Variants in GOLM2 observed in about 807,000 individuals in gnomAD.
GOLM2 encodes the protein golgi membrane protein 2.
Under a neutral mutation model 55.9 loss-of-function variants are expected in GOLM2, and 26 were observed. The ratio of observed to expected loss-of-function variants is 0.47; its 90% CI spans 0.34 to 0.65. GOLM2 has a LOEUF of 0.65. GOLM2 is among the 30% of genes least tolerant of loss of function. The pLI is 0.01. For missense variants in GOLM2, 486 were observed against 531.8 expected, an observed-to-expected ratio of 0.91 and a Z score of 0.85; for synonymous variants, 165 against 194.6, an observed-to-expected ratio of 0.85 and a Z score of 1.27.
intron 1 of GOLM2, among the ~76,000 whole-genome samples, chr15:44,313,364 A>G (rs2078887143): frequency 6.6e-6 from 1 of 152,162 alleles, no homozygotes; most frequent in African/African-American, 2.4e-5. Flanking sequence ...ACTCCTGATA[A>G]TCTCAGCATC....
At chr15:44,393,885 G>C (rs2141205632) in intron 8 of GOLM2, among the ~76,000 whole-genome samples, 1 of 152,144 alleles carries the variant, frequency 6.6e-6, no homozygotes, top group African/African-American at 2.4e-5. Flanking sequence ...TAGAGATGAG[G>C]TTTCACTATG....
Position 44,414,306 on chromosome 15 carries a change from C to G in GOLM2, c.*900C>G, listed in dbSNP as rs2079659123. ...CTACTCCTTTTATTTTACATGAGTG[C>G]TGATGTGTTTTGGCAGATGAGCTTT... On this transcript the variant is annotated 3_prime_UTR_variant, in exon 10 of 10. Coordinates refer to ENST00000299957, the MANE Select transcript of GOLM2 (RefSeq NM_138423.4). 6.6e-6 allele frequency: 1 copy of G among 152,192 alleles called. No individual in the cohort carries two copies. The highest frequency in any genetic ancestry group is 1.5e-5 in the Non-Finnish European group (1 of 68,050). The allele number at this position is 152,192 out of a possible 1,614,324, so 9.4% of individuals were successfully genotyped here.
Position 44,310,489 on chromosome 15 carries a change from TACACACACACACCC to T in GOLM2, c.328-12463_328-12450del, listed in dbSNP as rs1246212093. Among the ~76,000 whole-genome samples, 76 of 131,988 alleles carry T rather than the reference TACACACACACACCC, an allele frequency of 5.8e-4. No homozygotes were observed. The South Asian group carries it at 0.011, about 19-fold the overall frequency. The allele number at this position is 131,988 out of a possible 152,430, so 86.6% of individuals were successfully genotyped here. ...ATATATGTATATATATATATATATATACACACACACACCCACACACACACACACACACACACATA... is the reference window on the plus strand; with the variant it reads ...ATATATGTATATATATATATATATATACACACACACACACACACACACATA... On this transcript the variant is annotated intron_variant, in intron 1 of 9. Coordinates refer to ENST00000299957, the MANE Select transcript of GOLM2 (RefSeq NM_138423.4).
At chr15:44,316,157 A>G (rs1484846531) in intron 1 of GOLM2, among the ~76,000 whole-genome samples, 1 of 152,238 alleles carries the variant, frequency 6.6e-6, no homozygotes, top group African/African-American at 2.4e-5. Flanking sequence ...AAGAACTCCA[A>G]TTAATTTCTC....
At chr15:44,354,479 T>C (rs927406749) in intron 6 of GOLM2, among the ~76,000 whole-genome samples, 3 of 151,446 alleles carry the variant, frequency 2.0e-5, no homozygotes, top group Non-Finnish European at 4.4e-5. Flanking sequence ...ATAAATAAAA[T>C]AAAATAAAAT....
chr15:44,289,055 G>A lies in GOLM2; in HGVS notation c.26G>A (p.Arg9Gln). 1.9e-6 allele frequency: 3 copies of A among 1,613,624 alleles called. No individual in the cohort carries two copies. Among genetic ancestry groups the A allele is most frequent in the Non-Finnish European group, 2.5e-6 (3 of 1,179,764 alleles). The part of the protein sequence containing the change: MVGFGANR[R>Q]AGRLPSLVLV... The stretch of plus-strand genomic sequence containing the variant: ...ATGGTGGGTTTCGGGGCCAACCGGC[G>A]GGCTGGCCGCCTGCCCTCTCTCGTG... Residue 9 changes from arginine to glutamine, a missense_variant, in exon 1 of 10, where the codon CGG (arginine) becomes CAG (glutamine). Transcript: ENST00000299957. The surrounding 1 kb of genome is among the most constrained non-coding windows in gnomAD (Gnocchi z 4.8).
At chr15:44,307,923 A>C (rs1021049601) in intron 1 of GOLM2, 14 of 152,208 alleles carry the variant, frequency 9.2e-5, no homozygotes, top group African/African-American at 3.4e-4. Context: ...CCTTCACAGA[A>C]GGTCAAGCAG....
intron 1 of GOLM2, among the ~76,000 whole-genome samples, chr15:44,310,454 CTATA>C (rs66828619): frequency 3.3e-4 from 47 of 142,604 alleles, no homozygotes; most frequent in African/African-American, 1.2e-3. Flanking sequence ...CTCTCTCTCT[CTATA>C]TATATATATA....
intron 1 of GOLM2, among the ~76,000 whole-genome samples, chr15:44,299,353 C>T (rs149919134): frequency 0.048 from 7,210 of 150,772 alleles, 273 homozygotes; most frequent in East Asian, 0.19. Context: ...AGTGCAGTGG[C>T]GCGATCTCAG....
intron 6 of GOLM2, among the ~76,000 whole-genome samples, chr15:44,347,040 C>T (rs1226667608): frequency 6.6e-6 from 1 of 152,088 alleles, no homozygotes; most frequent in Non-Finnish European, 1.5e-5. Context: ...GGGAGGATCA[C>T]ATGAGCCCAG....
intron 1 of GOLM2, among the ~76,000 whole-genome samples, chr15:44,321,595 G>C (rs2078950239): frequency 6.6e-6 from 1 of 152,042 alleles, no homozygotes. Context: ...ATGACATAGA[G>C]CTATACATTC....
chr15:44,329,982 C>T (rs2079010987), intron 3 of GOLM2, among the ~76,000 whole-genome samples: 1 of 147,850 alleles, frequency 6.8e-6, no homozygotes, highest in African/African-American at 2.5e-5. Context: ...GCGATCTTGG[C>T]TCACTGCAAG....
chr15:44,374,009 A>G (rs142373198), intron 6 of GOLM2, among the ~76,000 whole-genome samples: 14,960 of 151,608 alleles, frequency 0.099, 1,564 homozygotes, highest in African/African-American at 0.25. Flanking sequence ...GCTGAGGCAC[A>G]AGAATTGCTT....
rs562202058 is a variant in GOLM2, at chr15:44,294,772, G to T, written c.327+5416G>T. ...AAACAAAAATTAACCGGGCATGGTG[G>T]GGGGCGCCTGTAATCCCAGCTACTT... is the stretch of plus-strand genomic sequence containing the variant. On this transcript the variant is annotated intron_variant, in intron 1 of 9. Coordinates refer to ENST00000299957, the MANE Select transcript of GOLM2 (RefSeq NM_138423.4). Among the ~76,000 whole-genome samples, 210 of 151,568 alleles carry T rather than the reference G, an allele frequency of 1.4e-3. 2 individuals carry two copies. Among genetic ancestry groups the T allele is most frequent in the South Asian group, 3.5e-3 (17 of 4,808 alleles).
chr15:44,359,008 T>A (rs1372195037), intron 6 of GOLM2, among the ~76,000 whole-genome samples: 1 of 151,290 alleles, frequency 6.6e-6, no homozygotes, highest in African/African-American at 2.4e-5. Flanking sequence ...TACAAAAAAA[T>A]TAGCTGGGCG....
chr15:44,301,549 G>A (rs905978890), intron 1 of GOLM2, among the ~76,000 whole-genome samples: 7 of 152,106 alleles, frequency 4.6e-5, no homozygotes, highest in Admixed American at 6.6e-5. Flanking sequence ...TTACCCTTGA[G>A]CAGGGGCTAT....
At chr15:44,335,244 G>C (rs2079048901) in intron 4 of GOLM2, among the ~76,000 whole-genome samples, 1 of 152,086 alleles carries the variant, frequency 6.6e-6, no homozygotes, top group African/African-American at 2.4e-5. Context: ...AGGGAAAACT[G>C]AGTAAGGGGT....
At chr15:44,367,688 G>T (rs965078949) in intron 6 of GOLM2, among the ~76,000 whole-genome samples, 1 of 151,872 alleles carries the variant, frequency 6.6e-6, no homozygotes, top group Admixed American at 6.6e-5. Context: ...CCAGCTACTC[G>T]TGAGGCTTGG....
chr15:44,289,125 C>T lies in GOLM2; in HGVS notation c.96C>T (p.Tyr32=). The T allele has an allele frequency of 6.2e-7, 1 of 1,614,162 alleles. No homozygotes were observed. Among genetic ancestry groups the T allele is most frequent in the Non-Finnish European group, 8.5e-7 (1 of 1,180,014 alleles). Residue 32 remains tyrosine, a synonymous_variant, in exon 1 of 10, where the codon TAC becomes TAT. Transcript: ENST00000299957. This position sits in a 1 kb window ranked among gnomAD's most constrained non-coding sequence, Gnocchi z 4.8. ...TGATCGTCGTCCTCGCCTTCAACTACTGGAGCATCTCCTCCCGCCACGTCC... is the reference window on the plus strand; with the variant it reads ...TGATCGTCGTCCTCGCCTTCAACTATTGGAGCATCTCCTCCCGCCACGTCC... The part of the protein sequence containing the change: ...LVVIVVLAFN[Y]WSISSRHVLL...
Sources: gnomAD v4.1 joint callset for allele counts (sites outside exome capture counted in the v4.1 genomes callset) on GRCh38, gnomAD v4.1.1 for gene constraint, Gnocchi (gnomAD v3.1) non-coding constraint, MANE v1.5 for transcripts, NCBI Gene and HGNC (gene_info 2026-07-23, HGNC 2026-07-21) for gene names.